Variants in TMC4 observed in about 807,000 individuals in gnomAD.
TMC4 encodes the protein voltage-gated chloride channel TMC4.
A neutral mutation model predicts 82.0 loss-of-function variants in TMC4; 70 were observed. That is an observed-to-expected ratio of 0.85 (90% CI 0.70 to 1.04). The LOEUF (loss-of-function observed/expected upper bound fraction) is 1.04. Ranked by LOEUF, TMC4 falls within the 50% of genes least tolerant of loss-of-function variation. The probability of loss-of-function intolerance (pLI) is 0.00; values close to 1 mark genes in which losing one functional copy is unlikely to be tolerated. For synonymous variants in TMC4, 446 were observed against 406.0 expected, an observed-to-expected ratio of 1.10 and a Z score of -1.18; for missense variants, 879 against 899.0, an observed-to-expected ratio of 0.98 and a Z score of 0.28.
At chr19:54,162,801 C>T (rs753734206) in intron 9 of TMC4, 31 bp from the exon 10 acceptor site, 4 of 1,602,942 alleles carry the variant, frequency 2.5e-6, no homozygotes, top group Non-Finnish European at 3.4e-6. Context: ...TCAGAAAGAA[C>T]TCGGGACCCG....
At chr19:54,166,480 C>G (rs1176788697) in intron 5 of TMC4, among the ~76,000 whole-genome samples, 1 of 152,170 alleles carries the variant, frequency 6.6e-6, no homozygotes, top group Non-Finnish European at 1.5e-5. Flanking sequence ...GCCCTGGCCC[C>G]GGCCCCCATC....
chr19:54,171,863 G>T lies in TMC4; in HGVS notation c.293+7C>A. On this transcript the variant is annotated splice_region_variant and intron_variant, in intron 2 of 14. Coordinates refer to ENST00000619895, the MANE Select transcript of TMC4 (RefSeq NM_144686.4). ...TGTGCGGGTCCCAGCTGGAGGTGGG[G>T]CCTCACCTGTGTGCCCGTCTGGCCT... The T allele has an allele frequency of 6.3e-7, 1 of 1,591,302 alleles. No individual in the cohort carries two copies. Among genetic ancestry groups the T allele is most frequent in the Non-Finnish European group, 8.6e-7 (1 of 1,167,964 alleles).
In TMC4 at chr19:54,169,591, T is replaced by A. The variant is rs1438336073; in HGVS notation, c.363A>T (p.Leu121=). 1.9e-6 allele frequency: 3 copies of A among 1,613,916 alleles called. No individual in the cohort carries two copies. The change falls in exon 3 of 15, where the codon CTA becomes CTT. Residue 121 remains leucine (L), a synonymous_variant. Transcript: ENST00000619895. Reference sequence around the variant, plus strand: ...TTGTTTTCTCCTTGGACCTCCGAAGTAGCCGCGCCCATCGGTCCGTCTTAG... The same window carrying A: ...TTGTTTTCTCCTTGGACCTCCGAAGAAGCCGCGCCCATCGGTCCGTCTTAG... ...SGTKTDRWAR[L]LRRSKEKTKE...
At position 54,168,783 on chromosome 19, in the gene TMC4, C is replaced by T. The variant is rs1275072753; in HGVS notation, c.443-103G>A. ...CAGCCGCGCCTTCCTTTCTTTCTTT[C>T]TTTTCTTTTCTTTCTTTTCTTTTCT... On this transcript the variant is annotated intron_variant, in intron 3 of 14. Transcript: ENST00000619895. The T allele has an allele frequency of 1.7e-4, 57 of 327,112 alleles. 6 individuals are homozygous for T. The highest frequency in any genetic ancestry group is 6.6e-4 in the African/African-American group (16 of 24,390). 20.3% of individuals were successfully genotyped at this position (327,112 alleles called of 1,614,324 possible).
intron 6 of TMC4, 168 bp from the exon 7 acceptor site, chr19:54,164,769 C>G: frequency 1.1e-6 from 1 of 869,822 alleles, no homozygotes; most frequent in East Asian, 2.7e-5. Context: ...AGGAAACCAG[C>G]GGCCCTTTAC....
chr19:54,170,950 T>C (rs2075866338), intron 2 of TMC4, among the ~76,000 whole-genome samples: 1 of 152,024 alleles, frequency 6.6e-6, no homozygotes, highest in South Asian at 2.1e-4. Flanking sequence ...GGTCTCGCTA[T>C]GTTACTCAGG....
intron 1 of TMC4, 98 bp from the exon 2 acceptor site, chr19:54,172,181 G>A: frequency 2.6e-6 from 3 of 1,154,634 alleles, no homozygotes; most frequent in Non-Finnish European, 3.5e-6. Context: ...TCCTCCCTCA[G>A]ACCCAGGAGT....
At chr19:54,165,320 C>T in intron 6 of TMC4, 99 bp downstream of exon 6, 1 of 1,318,254 alleles carries the variant, frequency 7.6e-7, no homozygotes, top group Admixed American at 2.6e-5. Context: ...TGCTTAGCAT[C>T]TCTCCGGAGG....
In TMC4 at chr19:54,169,544, T is replaced by A; in HGVS notation, c.410A>T (p.Gln137Leu). 6.2e-7 allele frequency: 1 copy of A among 1,613,672 alleles called. No homozygotes were observed. The highest frequency in any genetic ancestry group is 8.5e-7 in the Non-Finnish European group (1 of 1,179,988). The part of the protein sequence containing the change: ...EKTKEGLRSL[Q>L]PWAWTLKRIG... ...CCTCTTCAGTGTCCACGCCCAGGGC[T>A]GCAGGCTTCGCAAGCCTTCCTTTGT... The change falls in exon 3 of 15, where the codon CAG becomes CTG. Residue 137 changes from glutamine (Q) to leucine (L), a missense_variant. Gln to Leu is a moderately radical substitution (Grantham distance 113). Coordinates refer to ENST00000619895, the MANE Select transcript of TMC4 (RefSeq NM_144686.4).
chr19:54,171,258 G>A (rs376512689), intron 2 of TMC4, among the ~76,000 whole-genome samples: 1 of 151,992 alleles, frequency 6.6e-6, no homozygotes, highest in Non-Finnish European at 1.5e-5. Context: ...ACAGGCACCC[G>A]CCACCACACC....
Position 54,163,030 on chromosome 19 carries a change from C to T in TMC4, c.1404+3G>A. 7 of 1,614,192 alleles carry T rather than the reference C, an allele frequency of 4.3e-6. No individual in the cohort carries two copies. The highest frequency in any genetic ancestry group is 5.9e-6 in the Non-Finnish European group (7 of 1,180,036). On this transcript the variant is annotated splice_donor_region_variant and intron_variant, in intron 9 of 14. Transcript: ENST00000619895. ...GTCCCACGCACACCCATGCCGTTCTCACCGGAAGTTGTTTGTAATTGTAGC... is the reference window on the plus strand; with the variant it reads ...GTCCCACGCACACCCATGCCGTTCTTACCGGAAGTTGTTTGTAATTGTAGC...
Position 54,165,070 on chromosome 19 carries a change from C to CTTTTT in TMC4, c.945+344_945+348dup, listed in dbSNP as rs34861271. ...TTGTGCTTACTTAAAAAAAAACAAA[C>CTTTTT]TTTTTTTTTTTTTTTTTGGTAGAGA... On this transcript the variant is annotated intron_variant, in intron 6 of 14. Coordinates refer to ENST00000619895, the MANE Select transcript of TMC4 (RefSeq NM_144686.4). Among the ~76,000 whole-genome samples the CTTTTT allele has an allele frequency of 1.4e-4, 19 of 136,050 alleles. 1 individual carries two copies. Among genetic ancestry groups the CTTTTT allele is most frequent in the African/African-American group, 4.4e-4 (16 of 36,226 alleles). 89.3% of individuals were successfully genotyped at this position (136,050 alleles called of 152,430 possible). A position where few individuals can be genotyped will look rare whatever the true frequency, so the allele number is the denominator to read the frequency against.
intron 6 of TMC4, among the ~76,000 whole-genome samples, chr19:54,164,953 C>G (rs2075664675): frequency 6.6e-6 from 1 of 152,124 alleles, no homozygotes; most frequent in Non-Finnish European, 1.5e-5. Context: ...TTATTCCTGG[C>G]CTGAAGTTCC....
intron 2 of TMC4, among the ~76,000 whole-genome samples, chr19:54,170,227 G>A (rs1448147847): frequency 2.0e-5 from 3 of 151,900 alleles, no homozygotes; most frequent in Admixed American, 2.0e-4. Flanking sequence ...CTACAGAAAA[G>A]CAGGAGGCTG....
At position 54,165,563 on chromosome 19, in the gene TMC4, C is replaced by T; in HGVS notation, c.801G>A (p.Ser267=). ...GCAGTGTCTGCTTCAGCCCAGACAC[C>T]GAGCTGAGAGGGGAGACCCGGGAGA... ...LICLLLILHR[S]VSGLKQTLLA... is the part of the protein sequence containing the mutation. The change falls in exon 6 of 15, where the codon TCG becomes TCA. Residue 267 remains serine (S), a synonymous_variant. Transcript: ENST00000619895. 1.3e-6 allele frequency: 2 copies of T among 1,599,550 alleles called. No homozygotes were observed. Among genetic ancestry groups the T allele is most frequent in the Non-Finnish European group, 1.7e-6 (2 of 1,169,802 alleles).
chr19:54,160,622 G>A (rs780366742), intron 13 of TMC4, 77 bp from the exon 14 acceptor site: 1 of 1,600,472 alleles, frequency 6.2e-7, no homozygotes, highest in Non-Finnish European at 8.5e-7. Flanking sequence ...TTCGAAGCCA[G>A]GGATGTGGAC....
intron 14 of TMC4, 23 bp downstream of exon 14, chr19:54,160,444 T>G: frequency 6.2e-7 from 1 of 1,611,778 alleles, no homozygotes; most frequent in Non-Finnish European, 8.5e-7. Context: ...CCAGGGGCCC[T>G]CTCAGGGACC....
chr19:54,164,465 T>C lies in TMC4; in HGVS notation c.1082A>G (p.Tyr361Cys), dbSNP rs1447315520. Residue 361 changes from tyrosine to cysteine, a missense_variant, in exon 7 of 15, where the codon TAC becomes TGC. Physicochemically the swap from Tyr to Cys is radical, Grantham distance 194. Transcript: ENST00000619895. ...ALLGAAFYGV[Y>C]WATGCTVELQ... ...CTCCACGGTGCACCCCGTAGCCCAG[T>C]AGACGCCATAGAAGGCTGCCCCCAG... 5 of 1,613,634 alleles carry C rather than the reference T, an allele frequency of 3.1e-6. No homozygotes were observed. Among genetic ancestry groups the C allele is most frequent in the South Asian group, 1.1e-5 (1 of 91,052 alleles).
intron 9 of TMC4, 110 bp from the exon 10 acceptor site, chr19:54,162,880 T>G: frequency 2.6e-6 from 4 of 1,516,150 alleles, no homozygotes; most frequent in East Asian, 2.3e-5. Context: ...ATACTTTCTC[T>G]GGGGGTCCTC....
Sources: allele counts gnomAD v4.1 joint callset (sites outside exome capture counted in the v4.1 genomes callset), GRCh38; gene constraint gnomAD v4.1.1; transcripts MANE v1.5; gene names NCBI Gene and HGNC (gene_info 2026-07-23, HGNC 2026-07-21).